Variants in RBFOX1 observed in about 807,000 individuals in gnomAD.
The protein encoded by RBFOX1 is RNA binding fox-1 homolog 1, also known as RNA binding protein fox-1 homolog 1.
A neutral mutation model predicts 57.7 loss-of-function variants in RBFOX1; 8 were observed. That is an observed-to-expected ratio of 0.14 (90% CI 0.08 to 0.25). RBFOX1 has a LOEUF of 0.25. Ranked by LOEUF, RBFOX1 falls within the 10% of genes least tolerant of loss-of-function variation. The pLI, the probability that RBFOX1 is intolerant of heterozygous loss-of-function variation, is 1.00. For missense variants in RBFOX1, 611 were observed against 548.5 expected (o/e 1.11, Z -1.14); for synonymous variants, 326 against 222.4 (o/e 1.47, Z -4.15).
At chr16:6,394,891 A>C (rs922208059) in intron 2 of RBFOX1, among the ~76,000 whole-genome samples, 11 of 152,192 alleles carry the variant, frequency 7.2e-5, no homozygotes, top group African/African-American at 2.4e-4. Flanking sequence ...GTGGTGAGAA[A>C]ACTAGCACTA....
intron 4 of RBFOX1, among the ~76,000 whole-genome samples, chr16:7,094,773 T>TGTGG (rs1555466462): frequency 1.4e-3 from 198 of 141,028 alleles, no homozygotes; most frequent in African/African-American, 4.4e-3. Context: ...TGTGTGTGTG[T>TGTGG]GTGGGTGTGT....
intron 3 of RBFOX1, among the ~76,000 whole-genome samples, chr16:6,991,380 G>A (rs2091425135): frequency 6.6e-6 from 1 of 152,110 alleles, no homozygotes. Flanking sequence ...GGATGCCTGG[G>A]AGACATTAAT....
At chr16:7,666,189 C>T (rs1282782598) in intron 13 of RBFOX1, among the ~76,000 whole-genome samples, 1 of 152,098 alleles carries the variant, frequency 6.6e-6, no homozygotes, top group Non-Finnish European at 1.5e-5. Context: ...CCTCAGGCAC[C>T]TGCTAAACCC....
intron 1 of RBFOX1, among the ~76,000 whole-genome samples, chr16:6,119,435 C>G (rs570894262): frequency 6.6e-5 from 10 of 152,258 alleles, no homozygotes; most frequent in African/African-American, 2.4e-4. Context: ...GTTGAGAAGG[C>G]ATTTGCCAAG....
chr16:6,227,533 G>C (rs1323114388), intron 1 of RBFOX1, among the ~76,000 whole-genome samples: 3 of 152,102 alleles, frequency 2.0e-5, no homozygotes, highest in Non-Finnish European at 2.9e-5. Flanking sequence ...GAAGTCTGCA[G>C]GGTAGGGACA....
At chr16:6,391,828 C>T (rs1373336679) in intron 2 of RBFOX1, among the ~76,000 whole-genome samples, 4 of 152,168 alleles carry the variant, frequency 2.6e-5, no homozygotes, top group African/African-American at 9.7e-5. Flanking sequence ...TCGAAGAGCT[C>T]ACACTGAAGT....
intron 2 of RBFOX1, among the ~76,000 whole-genome samples, chr16:6,590,501 C>G (rs2097695145): frequency 6.6e-6 from 1 of 152,142 alleles, no homozygotes; most frequent in Non-Finnish European, 1.5e-5. Context: ...GACAATTGTC[C>G]TTTATAGCTT....
intron 1 of RBFOX1, among the ~76,000 whole-genome samples, chr16:6,179,552 T>C (rs1417339685): frequency 6.6e-6 from 1 of 152,138 alleles, no homozygotes; most frequent in Non-Finnish European, 1.5e-5. Flanking sequence ...GGAGCCCTAC[T>C]GGGCTCAGAG....
chr16:6,116,333 G>T (rs1268548375), intron 1 of RBFOX1, among the ~76,000 whole-genome samples: 1 of 151,970 alleles, frequency 6.6e-6, no homozygotes, highest in Non-Finnish European at 1.5e-5. Context: ...CAGGTTGATG[G>T]GTGCAGCAAA....
intron 3 of RBFOX1, among the ~76,000 whole-genome samples, chr16:5,792,778 G>A (rs919067526): frequency 3.3e-5 from 5 of 152,216 alleles, no homozygotes; most frequent in Non-Finnish European, 7.3e-5. Flanking sequence ...TGGAGGTGGA[G>A]GTTGCAGTGA....
chr16:5,931,706 T>C (rs1011020859), intron 4 of RBFOX1, among the ~76,000 whole-genome samples: 3 of 152,156 alleles, frequency 2.0e-5, no homozygotes, highest in Non-Finnish European at 4.4e-5. Context: ...GGAGCCCTTC[T>C]TTGTGTAGGC....
At chr16:5,330,494 C>T (rs1027132860) in intron 1 of RBFOX1, among the ~76,000 whole-genome samples, 2 of 152,132 alleles carry the variant, frequency 1.3e-5, no homozygotes, top group East Asian at 3.8e-4. Context: ...CCTCCGCCTC[C>T]CAGGTTCGAG....
chr16:6,220,956 CTGTG>C (rs200964435), intron 1 of RBFOX1, among the ~76,000 whole-genome samples: 2 of 151,268 alleles, frequency 1.3e-5, no homozygotes, highest in African/African-American at 2.4e-5. Flanking sequence ...ATACTTCACT[CTGTG>C]TGTGTGTGTG....
At chr16:5,371,061 C>A (rs1315391416) in intron 1 of RBFOX1, among the ~76,000 whole-genome samples, 1 of 152,236 alleles carries the variant, frequency 6.6e-6, no homozygotes, top group Non-Finnish European at 1.5e-5. Context: ...GATTCTCCTG[C>A]CTTAGCCTCC....
intron 6 of RBFOX1, among the ~76,000 whole-genome samples, chr16:7,585,839 A>T (rs957721681): frequency 1.3e-5 from 2 of 152,106 alleles, no homozygotes; most frequent in Non-Finnish European, 2.9e-5. Flanking sequence ...TGGATACTCT[A>T]TGACTGAAAC....
intron 4 of RBFOX1, among the ~76,000 whole-genome samples, chr16:5,940,468 A>C (rs2059256972): frequency 6.6e-6 from 1 of 152,232 alleles, no homozygotes; most frequent in Non-Finnish European, 1.5e-5. Flanking sequence ...ACCCACCTGG[A>C]AAACCATGGG....
intron 1 of RBFOX1, among the ~76,000 whole-genome samples, chr16:5,250,457 G>A (rs1391106856): frequency 1.3e-5 from 2 of 152,032 alleles, no homozygotes; most frequent in South Asian, 2.1e-4. Context: ...GGTGTATGTT[G>A]TTCCCCTCTC....
intron 5 of RBFOX1, among the ~76,000 whole-genome samples, chr16:7,550,994 T>G (rs1250664208): frequency 1.4e-5 from 2 of 147,050 alleles, no homozygotes; most frequent in East Asian, 4.1e-4. Context: ...CTCAGGAGGC[T>G]GAGGCGGGAA....
intron 1 of RBFOX1, among the ~76,000 whole-genome samples, chr16:5,350,113 AT>A (rs1396835520): frequency 6.6e-6 from 1 of 152,070 alleles, no homozygotes; most frequent in Non-Finnish European, 1.5e-5. Flanking sequence ...AAGAAAAATA[AT>A]TTTTTCAGGG....
Sources: allele counts gnomAD v4.1 joint callset (sites outside exome capture counted in the v4.1 genomes callset), GRCh38; gene constraint gnomAD v4.1.1; transcripts MANE v1.5; gene names NCBI Gene and HGNC (gene_info 2026-07-23, HGNC 2026-07-21).